Variants in VAV1 observed in about 807,000 individuals in gnomAD.
The protein encoded by VAV1 is proto-oncogene vav.
In VAV1, 33 loss-of-function variants were observed where a neutral mutation model predicts 128.1. The ratio of observed to expected loss-of-function variants is 0.26; its 90% confidence interval spans 0.20 to 0.34. VAV1 has a LOEUF of 0.34. Ranked by LOEUF, VAV1 falls within the 10% of genes least tolerant of loss-of-function variation. The pLI, the probability that VAV1 is intolerant of heterozygous loss-of-function variation, is 1.00. For synonymous variants in VAV1, 394 were observed against 409.8 expected (o/e 0.96, Z 0.47); for missense variants, 715 against 1,093.7 (o/e 0.65, Z 4.88).
At chr19:6,781,610 T>G (rs1970767548) in intron 1 of VAV1, among the ~76,000 whole-genome samples, 1 of 79,128 alleles carries the variant, frequency 1.3e-5, no homozygotes, top group South Asian at 3.6e-4. Flanking sequence ...CTCTTACTGA[T>G]TTTTTTTTTT....
At chr19:6,830,865 A>C (rs1334698530) in intron 14 of VAV1, among the ~76,000 whole-genome samples, 1 of 152,060 alleles carries the variant, frequency 6.6e-6, no homozygotes, top group Non-Finnish European at 1.5e-5. Context: ...AGGTGGGAGA[A>C]TTGCTTGAGC....
chr19:6,821,879 G>A lies in VAV1; in HGVS notation c.449+20G>A. 1 of 1,614,048 alleles carries A rather than the reference G, an allele frequency of 6.2e-7. No individual in the cohort carries two copies. The highest frequency in any genetic ancestry group is 8.5e-7 in the Non-Finnish European group (1 of 1,179,932). On this transcript the variant is annotated intron_variant, in intron 4 of 26. Coordinates refer to ENST00000602142, the MANE Select transcript of VAV1 (RefSeq NM_005428.4). ...GATCGAGTGAGTGCTCAGGCCTGTG[G>A]CCGCACAGCTCACTGGAGCACCGTC...
intron 1 of VAV1, among the ~76,000 whole-genome samples, chr19:6,800,726 A>C (rs181687120): frequency 9.2e-5 from 14 of 151,818 alleles, no homozygotes; most frequent in African/African-American, 3.4e-4. Flanking sequence ...GGTTCAAGCG[A>C]TTCTCCTGCC....
chr19:6,848,236 C>T (rs1220004882), intron 23 of VAV1, 122 bp downstream of exon 23: 5 of 822,316 alleles, frequency 6.1e-6, no homozygotes, highest in Non-Finnish European at 7.0e-6. Flanking sequence ...TTTACTGAGC[C>T]CCTGCTGGTT....
intron 23 of VAV1, among the ~76,000 whole-genome samples, chr19:6,849,285 C>CTTTTTTTTT (rs4029439): frequency 1.1e-5 from 1 of 92,186 alleles, no homozygotes; most frequent in African/African-American, 5.9e-5. Flanking sequence ...TGTTTCCAGC[C>CTTTTTTTTT]TTTTTTTTTT....
intron 26 of VAV1, among the ~76,000 whole-genome samples, chr19:6,855,007 G>A (rs1381168186): frequency 2.0e-5 from 3 of 152,176 alleles, no homozygotes; most frequent in Non-Finnish European, 4.4e-5. Context: ...CACTTTGCCT[G>A]CTTGAATTCC....
At chr19:6,847,370 C>T (rs1972550159) in intron 22 of VAV1, among the ~76,000 whole-genome samples, 1 of 152,002 alleles carries the variant, frequency 6.6e-6, no homozygotes, top group Non-Finnish European at 1.5e-5. Flanking sequence ...TGTGGATTGG[C>T]GTGTTCTGGG....
chr19:6,845,293 G>A (rs1207453795), intron 22 of VAV1, among the ~76,000 whole-genome samples: 1 of 152,174 alleles, frequency 6.6e-6, no homozygotes, highest in African/African-American at 2.4e-5. Flanking sequence ...GCTGAGGCAG[G>A]GGAATCGCTT....
At chr19:6,787,880 T>A (rs1283045828) in intron 1 of VAV1, among the ~76,000 whole-genome samples, 1 of 151,680 alleles carries the variant, frequency 6.6e-6, no homozygotes, top group Non-Finnish European at 1.5e-5. Flanking sequence ...ATCGAGACCA[T>A]CCTGGCTAAC....
At chr19:6,778,217 G>A (rs555671030) in intron 1 of VAV1, among the ~76,000 whole-genome samples, 30 of 152,204 alleles carry the variant, frequency 2.0e-4, no homozygotes, top group African/African-American at 6.5e-4. Context: ...GATTGCAGGC[G>A]TTAAGCCACC....
intron 1 of VAV1, among the ~76,000 whole-genome samples, chr19:6,814,666 TCCTTC>T (rs1568299137): frequency 2.4e-5 from 2 of 81,882 alleles, no homozygotes; most frequent in African/African-American, 1.6e-4. Flanking sequence ...CTTCCTTCCT[TCCTTC>T]CTTTCTTTCT....
At position 6,826,524 on chromosome 19, in the gene VAV1, G is replaced by C; in HGVS notation, c.828-88G>C. Reference sequence around the variant, plus strand: ...CTGGGACTCAGGTTTCTTCTCCAGCGGGGAAGAGCAAGGCCAGGGCTGACG... The same window carrying C: ...CTGGGACTCAGGTTTCTTCTCCAGCCGGGAAGAGCAAGGCCAGGGCTGACG... On this transcript the variant is annotated intron_variant, in intron 8 of 26. Coordinates refer to ENST00000602142, the MANE Select transcript of VAV1 (RefSeq NM_005428.4). The surrounding 1 kb of genome is among the most constrained non-coding windows in gnomAD (Gnocchi z 4.1). The C allele has an allele frequency of 1.1e-6, 1 of 948,448 alleles. No individual in the cohort carries two copies. Among genetic ancestry groups the C allele is most frequent in the South Asian group, 1.4e-5 (1 of 71,918 alleles). 58.8% of individuals were successfully genotyped at this position (948,448 alleles called of 1,614,324 possible). A position where few individuals can be genotyped will look rare whatever the true frequency, so the allele number is the denominator to read the frequency against.
chr19:6,852,202 A>G (rs922435887), intron 24 of VAV1, among the ~76,000 whole-genome samples: 5 of 152,032 alleles, frequency 3.3e-5, no homozygotes, highest in Non-Finnish European at 7.4e-5. Context: ...TTTTTTAGAG[A>G]TGGGATCTTG....
At chr19:6,806,666 T>G (rs1971404104) in intron 1 of VAV1, among the ~76,000 whole-genome samples, 1 of 152,152 alleles carries the variant, frequency 6.6e-6, no homozygotes, top group African/African-American at 2.4e-5. Flanking sequence ...GATCCGGGAT[T>G]TGCACTCTCT....
chr19:6,839,971 C>G (rs1417610603), intron 21 of VAV1, among the ~76,000 whole-genome samples: 1 of 152,226 alleles, frequency 6.6e-6, no homozygotes, highest in Admixed American at 6.5e-5. Context: ...GGATTACAGG[C>G]CTGAGCCGCC....
In VAV1 at chr19:6,833,164, T is replaced by C. The variant is rs767579709; in HGVS notation, c.1509-20T>C. 1.9e-6 allele frequency: 3 copies of C among 1,581,436 alleles called. No homozygotes were observed. In the East Asian group the frequency reaches 6.7e-5, roughly 35 times the overall value. On this transcript the variant is annotated intron_variant, in intron 15 of 26. Coordinates refer to ENST00000602142, the MANE Select transcript of VAV1 (RefSeq NM_005428.4). ...AATACTGACCTTCTTTTTTTTTTTT[T>C]TTTAATTTTCCCCTGCCAGCTCCAA...
At chr19:6,842,098 CACCTGTAATCCCAGCT>C (rs924837032) in intron 21 of VAV1, among the ~76,000 whole-genome samples, 1 of 152,010 alleles carries the variant, frequency 6.6e-6, no homozygotes, top group Admixed American at 6.6e-5. Context: ...TGGTGACACA[CACCTGTAATCCCAGCT>C]ACCTGTAATC....
At chr19:6,788,789 G>A (rs957639548) in intron 1 of VAV1, among the ~76,000 whole-genome samples, 16 of 152,204 alleles carry the variant, frequency 1.1e-4, no homozygotes, top group East Asian at 1.9e-4. Context: ...CCAGGGTCAT[G>A]TGCCTATTCC....
chr19:6,850,571 C>T (rs867152789), intron 23 of VAV1, 99 bp from the exon 24 acceptor site: 3 of 1,128,582 alleles, frequency 2.7e-6, no homozygotes, highest in East Asian at 2.4e-5. Flanking sequence ...AGTAGTTACT[C>T]CTCCCTGAAG....
Sources: gnomAD v4.1 joint callset for allele counts (sites outside exome capture counted in the v4.1 genomes callset) on GRCh38, gnomAD v4.1.1 for gene constraint, Gnocchi (gnomAD v3.1) non-coding constraint, MANE v1.5 for transcripts, NCBI Gene and HGNC (gene_info 2026-07-23, HGNC 2026-07-21) for gene names.